The following PNLIP variants were observed in gnomAD, a reference collection of about 807,000 sequenced individuals.
PNLIP encodes pancreatic lipase.
A neutral mutation model predicts 57.1 loss-of-function variants in PNLIP; 49 were observed. That is an observed-to-expected ratio of 0.86 (90% CI 0.68 to 1.09). The LOEUF is 1.09. Ranked by LOEUF, PNLIP falls within the 50% of genes least tolerant of loss-of-function variation. PNLIP has a pLI of 0.00. For synonymous variants in PNLIP, 209 were observed against 200.4 expected, an observed-to-expected ratio of 1.04 and a Z score of -0.36; for missense variants, 503 against 570.2, an observed-to-expected ratio of 0.88 and a Z score of 1.20.
chr10:116,546,653 A>G (rs1795389541), intron 2 of PNLIP, among the ~76,000 whole-genome samples: 1 of 152,212 alleles, frequency 6.6e-6, no homozygotes, highest in Non-Finnish European at 1.5e-5. Context: ...CACCTGACAC[A>G]TGGTAAGATG....
At position 116,547,696 on chromosome 10, in the gene PNLIP, A is replaced by G. The variant is rs541110868; in HGVS notation, c.201+248A>G. ...AGCCGAGATCGCGCCACTGCACTCC[A>G]GCCTGGGCGACACAGTGAGACTCCA... On this transcript the variant is annotated intron_variant, in intron 3 of 12. Coordinates refer to ENST00000369221, the MANE Select transcript of PNLIP (RefSeq NM_000936.4). Among the ~76,000 whole-genome samples, 5 of 146,652 alleles carry G rather than the reference A, an allele frequency of 3.4e-5. No individual in the cohort carries two copies. The East Asian group carries it at 8.1e-4, about 24-fold the overall frequency.
At chr10:116,565,950 A>G (rs1589560592) in intron 12 of PNLIP, among the ~76,000 whole-genome samples, 1 of 152,160 alleles carries the variant, frequency 6.6e-6, no homozygotes, top group South Asian at 2.1e-4. Context: ...CTGGGATTAC[A>G]GGCATACGCC....
At chr10:116,560,309 A>ACAC in intron 10 of PNLIP, 107 bp from the exon 11 acceptor site, 6 of 609,454 alleles carry the variant, frequency 9.8e-6, no homozygotes, top group Non-Finnish European at 1.2e-5. Flanking sequence ...ACACACACAC[A>ACAC]ATTATAAATA....
chr10:116,552,917 TAAAG>T (rs1404056736), intron 5 of PNLIP, among the ~76,000 whole-genome samples: 2 of 152,040 alleles, frequency 1.3e-5, no homozygotes, highest in Non-Finnish European at 2.9e-5. Flanking sequence ...AAAAATTGCA[TAAAG>T]AAAGAAAAAT....
At chr10:116,553,541 C>A (rs1014445195) in intron 5 of PNLIP, among the ~76,000 whole-genome samples, 186 bp from the exon 6 acceptor site, 2 of 152,138 alleles carry the variant, frequency 1.3e-5, no homozygotes, top group African/African-American at 4.8e-5. Context: ...AGCCTAGGAG[C>A]AACAGGCTGT....
intron 4 of PNLIP, among the ~76,000 whole-genome samples, chr10:116,549,394 G>A (rs1222452838): frequency 1.3e-5 from 2 of 152,054 alleles, no homozygotes; most frequent in African/African-American, 2.4e-5. Context: ...CAGGAGAATC[G>A]CTTGAACCCG....
intron 12 of PNLIP, among the ~76,000 whole-genome samples, chr10:116,567,048 CTTCCT>C (rs1362754756): frequency 7.0e-6 from 1 of 143,664 alleles, no homozygotes; most frequent in East Asian, 2.1e-4. Flanking sequence ...CCTTTCCTTC[CTTCCT>C]TTCTTCTTTC....
intron 2 of PNLIP, 118 bp downstream of exon 2, chr10:116,546,256 AG>A: frequency 1.2e-6 from 1 of 846,724 alleles, no homozygotes; most frequent in South Asian, 1.4e-5. Flanking sequence ...CAAGGAGTAA[AG>A]CACAGGAGAC....
intron 5 of PNLIP, among the ~76,000 whole-genome samples, chr10:116,551,778 C>A (rs551693229): frequency 6.6e-6 from 1 of 152,270 alleles, no homozygotes; most frequent in Non-Finnish European, 1.5e-5. Flanking sequence ...CTACTTCCAC[C>A]AGATTAAAAG....
chr10:116,546,755 T>C lies in PNLIP; in HGVS notation c.47-539T>C, dbSNP rs72477693. Among the ~76,000 whole-genome samples the C allele has an allele frequency of 5.9e-4, 90 of 152,344 alleles. 1 individual carries two copies. The East Asian group carries it at 0.01, about 17-fold the overall frequency. ...TTAGAGAAGAGAACCCTTCTTTGGG[T>C]TATTTTTTTATGGAGTGACATTCAA... On this transcript the variant is annotated intron_variant, in intron 2 of 12. Coordinates refer to ENST00000369221, the MANE Select transcript of PNLIP (RefSeq NM_000936.4).
At chr10:116,557,555 G>C (rs951208020) in intron 9 of PNLIP, among the ~76,000 whole-genome samples, 1 of 152,176 alleles carries the variant, frequency 6.6e-6, no homozygotes, top group Non-Finnish European at 1.5e-5. Flanking sequence ...TCTTGGGCTT[G>C]TCTATTCTTC....
intron 11 of PNLIP, among the ~76,000 whole-genome samples, chr10:116,560,925 G>A (rs181350160): frequency 3.6e-4 from 55 of 152,202 alleles, no homozygotes; most frequent in Middle Eastern, 3.4e-3. Context: ...GTATGTCATC[G>A]ACATAAGAGT....
intron 5 of PNLIP, among the ~76,000 whole-genome samples, chr10:116,551,991 G>A (rs1847199019): frequency 6.6e-6 from 1 of 152,142 alleles, no homozygotes; most frequent in Non-Finnish European, 1.5e-5. Context: ...GGTCCCATAA[G>A]ATGACAATGG....
intron 9 of PNLIP, among the ~76,000 whole-genome samples, chr10:116,558,501 G>A (rs1020162757): frequency 1.3e-5 from 2 of 151,882 alleles, no homozygotes; most frequent in Admixed American, 1.3e-4. Context: ...GCCAACTTAT[G>A]CAATCTTTCT....
At position 116,559,292 on chromosome 10, in the gene PNLIP, C is replaced by T; in HGVS notation, c.1060+9C>T. The T allele has an allele frequency of 6.3e-7, 1 of 1,594,114 alleles. No homozygotes were observed. Among genetic ancestry groups the T allele is most frequent in the Non-Finnish European group, 8.6e-7 (1 of 1,163,500 alleles). ...TGCCAGTAATTTTGCACGTAAGTTT[C>T]TGTTTTCTGTATCTTATATTCTTAT... On this transcript the variant is annotated intron_variant, in intron 10 of 12. Transcript: ENST00000369221.
intron 10 of PNLIP, 132 bp from the exon 11 acceptor site, chr10:116,560,284 C>A (rs1847299948): frequency 4.0e-6 from 2 of 504,856 alleles, no homozygotes; most frequent in African/African-American, 2.2e-5. Flanking sequence ...ATTACACACA[C>A]ACACACACAC....
At chr10:116,559,105 C>A in intron 9 of PNLIP, 49 bp from the exon 10 acceptor site, 1 of 1,588,548 alleles carries the variant, frequency 6.3e-7, no homozygotes, top group Non-Finnish European at 8.6e-7. Flanking sequence ...ATATGGTACA[C>A]AACTAAAAGA....
chr10:116,567,788 C>T lies in PNLIP; in HGVS notation c.1388C>T (p.Thr463Ile), dbSNP rs1407292919. ...AGGGAGGAAGTTCTGCTCACCCTCACACCGTGTTAGGAGACTACTGTTATT... is the reference window on the plus strand; with the variant it reads ...AGGGAGGAAGTTCTGCTCACCCTCATACCGTGTTAGGAGACTACTGTTATT... Reference protein sequence around the residue: ...TVREEVLLTLTPC With the variant: ...TVREEVLLTLIPC The change falls in exon 13 of 13, where the codon ACA (threonine) becomes ATA (isoleucine). Residue 463 changes from threonine (T) to isoleucine (I), a missense_variant. Thr to Ile is a moderately conservative substitution (Grantham distance 89). Transcript: ENST00000369221. 4 of 1,612,556 alleles carry T rather than the reference C, an allele frequency of 2.5e-6. No individual in the cohort carries two copies. Among genetic ancestry groups the T allele is most frequent in the African/African-American group, 1.3e-5 (1 of 74,908 alleles).
At chr10:116,559,358 ACT>A in intron 10 of PNLIP, 75 bp downstream of exon 10, 1 of 1,164,924 alleles carries the variant, frequency 8.6e-7, no homozygotes, top group Non-Finnish European at 1.2e-6. Flanking sequence ...AAATGTGCAT[ACT>A]TGCTTTTCTA....
Sources: allele counts gnomAD v4.1 joint callset (sites outside exome capture counted in the v4.1 genomes callset), GRCh38; gene constraint gnomAD v4.1.1; transcripts MANE v1.5; gene names NCBI Gene and HGNC (gene_info 2026-07-23, HGNC 2026-07-21).